CCDC178: variants seen among roughly 807,000 people sequenced by gnomAD.
CCDC178 encodes coiled-coil domain-containing protein 178.
CCDC178 carries 126 observed loss-of-function variants against 117.4 expected under a neutral mutation model. That is an observed-to-expected ratio of 1.07 (90% confidence interval 0.93 to 1.24). The LOEUF (loss-of-function observed/expected upper bound fraction) is 1.24. Ranked by LOEUF, CCDC178 falls within the 50% of genes most tolerant of loss-of-function variation. The pLI is 0.00. For missense variants in CCDC178, 1,030 were observed against 986.9 expected (o/e 1.04, Z -0.59); for synonymous variants, 283 against 313.4 (o/e 0.90, Z 1.02).
intron 20 of CCDC178, among the ~76,000 whole-genome samples, chr18:33,101,249 T>C (rs2057621682): frequency 6.6e-6 from 1 of 151,414 alleles, no homozygotes; most frequent in Admixed American, 6.6e-5. Context: ...AATTTGTTGA[T>C]ATTTTAAAAT....
At chr18:32,982,944 C>A (rs529820091) in intron 21 of CCDC178, among the ~76,000 whole-genome samples, 18 of 151,878 alleles carry the variant, frequency 1.2e-4, no homozygotes, top group Non-Finnish European at 2.6e-4. Context: ...CAAGAGTGAA[C>A]CCTAAAGTAT....
chr18:33,372,987 T>C (rs1473543806), intron 5 of CCDC178, among the ~76,000 whole-genome samples: 1 of 152,156 alleles, frequency 6.6e-6, no homozygotes, highest in Non-Finnish European at 1.5e-5. Flanking sequence ...TTATCCCTTT[T>C]AACATCTTGA....
intron 4 of CCDC178, among the ~76,000 whole-genome samples, chr18:33,396,124 C>G (rs2063632401): frequency 2.6e-5 from 4 of 151,932 alleles, no homozygotes; most frequent in Admixed American, 2.6e-4. Context: ...ACAAATGACT[C>G]ATTAGAAAAT....
intron 22 of CCDC178, among the ~76,000 whole-genome samples, chr18:32,947,195 C>T (rs907192985): frequency 2.0e-5 from 3 of 152,078 alleles, no homozygotes; most frequent in Admixed American, 6.5e-5. Flanking sequence ...AAAGCAGTCA[C>T]GATCAGAAAT....
intron 21 of CCDC178, among the ~76,000 whole-genome samples, chr18:33,026,205 A>G (rs1486240971): frequency 6.6e-6 from 1 of 152,080 alleles, no homozygotes; most frequent in Non-Finnish European, 1.5e-5. Context: ...AGGTAAAGAA[A>G]CAGGTGGTTG....
At chr18:33,266,027 T>A (rs1396797142) in intron 14 of CCDC178, among the ~76,000 whole-genome samples, 2 of 152,018 alleles carry the variant, frequency 1.3e-5, no homozygotes, top group South Asian at 4.1e-4. Flanking sequence ...AGTATAGTAG[T>A]TGCAGGAAAA....
At chr18:33,069,281 A>T (rs192659297) in intron 21 of CCDC178, among the ~76,000 whole-genome samples, 1 of 152,266 alleles carries the variant, frequency 6.6e-6, no homozygotes, top group Admixed American at 6.5e-5. Flanking sequence ...TTTAAAGTAT[A>T]CTACAAAGCT....
At chr18:33,289,518 G>C (rs1169342109) in intron 12 of CCDC178, among the ~76,000 whole-genome samples, 1 of 152,032 alleles carries the variant, frequency 6.6e-6, no homozygotes, top group Admixed American at 6.6e-5. Flanking sequence ...GGAGGCTGAG[G>C]CTGGAGAATC....
At chr18:33,359,671 G>A (rs1191284324) in intron 6 of CCDC178, among the ~76,000 whole-genome samples, 1 of 151,466 alleles carries the variant, frequency 6.6e-6, no homozygotes, top group Non-Finnish European at 1.5e-5. Context: ...TAGATGCTTC[G>A]ATGAAAATAC....
chr18:33,215,643 A>C lies in CCDC178; in HGVS notation c.1985T>G (p.Met662Arg), dbSNP rs1191639957. The change falls in exon 19 of 23, where the codon ATG (methionine) becomes AGG (arginine). Residue 662 changes from methionine to arginine, a missense_variant. Transcript: ENST00000383096. ...TTCATTTATTTTTGCATAAAAAATC[A>C]TTGTCTTACTTTTAGTTGCTTCTAG... ...KDLEATKSKT[M>R]IFYAKINELN... 1.3e-6 allele frequency: 2 copies of C among 1,536,562 alleles called. No individual in the cohort carries two copies. Among genetic ancestry groups the C allele is most frequent in the South Asian group, 1.3e-5 (1 of 78,410 alleles).
rs999868390 is a variant in CCDC178, at chr18:33,293,234, C to T, written c.1101G>A (p.Glu367=). 13 of 1,577,472 alleles carry T rather than the reference C, an allele frequency of 8.2e-6. No individual in the cohort carries two copies. Among genetic ancestry groups the T allele is most frequent in the East Asian group, 2.2e-5 (1 of 44,448 alleles). ...SVINVNTNIE[E]KEEEVTEAIR... The stretch of plus-strand genomic sequence containing the variant: ...TTGCTTCAGTCACTTCCTCTTCCTT[C>T]TCCTCAATATTAGTATTAACATTTA... The change falls in exon 12 of 23, where the codon GAG becomes GAA. Residue 367 remains glutamate (E), a synonymous_variant. Coordinates refer to ENST00000383096, the MANE Select transcript of CCDC178 (RefSeq NM_001105528.4).
chr18:33,051,189 T>C (rs2056741716), intron 21 of CCDC178, among the ~76,000 whole-genome samples: 1 of 152,018 alleles, frequency 6.6e-6, no homozygotes. Flanking sequence ...TGGGATTACA[T>C]GCATAAGCCA....
chr18:32,989,276 A>G (rs1242900790), intron 21 of CCDC178, among the ~76,000 whole-genome samples: 3 of 152,220 alleles, frequency 2.0e-5, no homozygotes, highest in African/African-American at 7.2e-5. Flanking sequence ...TGGCCAGGTG[A>G]TATTTATTCT....
intron 21 of CCDC178, among the ~76,000 whole-genome samples, chr18:33,077,219 G>A (rs271521): frequency 0.14 from 21,688 of 152,182 alleles, 2,396 homozygotes; most frequent in African/African-American, 0.31. Context: ...AATAAAAGAG[G>A]AGGAGAATAA....
At chr18:33,222,959 T>G (rs1444993718) in intron 18 of CCDC178, 147 bp downstream of exon 18, 2 of 574,798 alleles carry the variant, frequency 3.5e-6, no homozygotes, top group Admixed American at 6.5e-5. Flanking sequence ...TGTGTGTGTG[T>G]GAGTGTGTGC....
intron 20 of CCDC178, among the ~76,000 whole-genome samples, chr18:33,153,818 T>C (rs2058364373): frequency 6.6e-6 from 1 of 151,438 alleles, no homozygotes; most frequent in South Asian, 2.1e-4. Context: ...CAGAGAAAAA[T>C]GGAAAATAAT....
intron 20 of CCDC178, among the ~76,000 whole-genome samples, chr18:33,194,911 A>T (rs2058908233): frequency 6.8e-6 from 1 of 147,054 alleles, no homozygotes; most frequent in Admixed American, 6.7e-5. Flanking sequence ...AAAAAAAAAA[A>T]AAAAAAAAGA....
At position 33,376,011 on chromosome 18, in the gene CCDC178, G is replaced by A. The variant is rs75191346; in HGVS notation, c.209-5822C>T. The stretch of plus-strand genomic sequence containing the variant: ...AGAAGAAAAGTACAACTTGGATAAC[G>A]GCCAAGCGGGTGACTTGAGAAACCA... On this transcript the variant is annotated intron_variant, in intron 5 of 22. Transcript: ENST00000383096. Among the ~76,000 whole-genome samples, 1,468 of 152,258 alleles carry A rather than the reference G, an allele frequency of 9.6e-3. 17 individuals carry two copies. Among genetic ancestry groups the A allele is most frequent in the African/African-American group, 0.033 (1,386 of 41,562 alleles).
chr18:33,221,197 C>G (rs192545111), intron 18 of CCDC178, among the ~76,000 whole-genome samples: 1 of 152,166 alleles, frequency 6.6e-6, no homozygotes, highest in East Asian at 1.9e-4. Context: ...CCTAACAGAC[C>G]TAGTAGGCAC....
Sources: allele counts gnomAD v4.1 joint callset (sites outside exome capture counted in the v4.1 genomes callset), GRCh38; gene constraint gnomAD v4.1.1; transcripts MANE v1.5; gene names NCBI Gene and HGNC (gene_info 2026-07-23, HGNC 2026-07-21).